The following EIF2AK1 variants were observed in gnomAD, a reference collection of about 807,000 sequenced individuals.
EIF2AK1 encodes eukaryotic translation initiation factor 2 alpha kinase 1.
In EIF2AK1, 54 loss-of-function variants were observed where a neutral mutation model predicts 77.9. The ratio of observed to expected loss-of-function variants is 0.69; its 90% confidence interval spans 0.56 to 0.87. The LOEUF (loss-of-function observed/expected upper bound fraction) is 0.87. EIF2AK1 is among the 40% of genes least tolerant of loss of function. EIF2AK1 has a pLI of 0.00. For synonymous variants in EIF2AK1, 314 were observed against 290.5 expected (o/e 1.08, Z -0.82); for missense variants, 810 against 768.6 (o/e 1.05, Z -0.64).
Position 6,023,276 on chromosome 7 carries a change from G to A in EIF2AK1, c.*1397C>T. On this transcript the variant is annotated 3_prime_UTR_variant, in exon 15 of 15. Transcript: ENST00000199389. ...CTTCCCTCAGGGCTGCTCTGGTGAT[G>A]CTACCTGGCGTGTTTTTTCTTTTCA... 2 of 1,560,040 alleles carry A rather than the reference G, an allele frequency of 1.3e-6. No homozygotes were observed. The highest frequency in any genetic ancestry group is 1.7e-6 in the Non-Finnish European group (2 of 1,159,150).
At chr7:6,038,210 G>C (rs1032181631) in intron 10 of EIF2AK1, among the ~76,000 whole-genome samples, 1 of 152,146 alleles carries the variant, frequency 6.6e-6, no homozygotes, top group East Asian at 1.9e-4. Context: ...CAGGAGGATT[G>C]CTTGAGATCA....
intron 14 of EIF2AK1, 150 bp downstream of exon 14, chr7:6,026,578 G>A (rs1787753169): frequency 4.1e-6 from 3 of 731,560 alleles, no homozygotes; most frequent in South Asian, 1.5e-5. Flanking sequence ...GTGCCAGGAA[G>A]TGGACGAGAA....
intron 7 of EIF2AK1, 141 bp downstream of exon 7, chr7:6,044,421 G>T (rs1297178261): frequency 6.2e-6 from 4 of 642,388 alleles, no homozygotes; most frequent in Non-Finnish European, 1.0e-5. Context: ...CTGGGCGACA[G>T]AGTGAGACTC....
chr7:6,058,538 C>G (rs894675808), intron 1 of EIF2AK1, among the ~76,000 whole-genome samples: 1 of 152,122 alleles, frequency 6.6e-6, no homozygotes, highest in Non-Finnish European at 1.5e-5. Context: ...TCCAATGAAG[C>G]AAAAGACAAG....
chr7:6,058,462 T>C (rs1231151351), intron 1 of EIF2AK1, among the ~76,000 whole-genome samples: 4 of 152,120 alleles, frequency 2.6e-5, no homozygotes, highest in Non-Finnish European at 5.9e-5. Context: ...GTTTATTTAT[T>C]TCCACGCTGC....
chr7:6,034,088 T>A (rs1583481431), intron 11 of EIF2AK1, among the ~76,000 whole-genome samples: 1 of 150,140 alleles, frequency 6.7e-6, no homozygotes, highest in African/African-American at 2.4e-5. Context: ...GAGGCTGAGG[T>A]GGGTGGATCA....
Position 6,023,568 on chromosome 7 carries a change from G to A in EIF2AK1, c.*1105C>T, listed in dbSNP as rs1787618116. 6.2e-7 allele frequency: 1 copy of A among 1,614,236 alleles called. No homozygotes were observed. Among genetic ancestry groups the A allele is most frequent in the African/African-American group, 1.3e-5 (1 of 75,058 alleles). On this transcript the variant is annotated 3_prime_UTR_variant, in exon 15 of 15. Transcript: ENST00000199389. ...ATGAACTCACCGTAGCAGACGTGGT[G>A]CTGTGGTCTGTACTCCAGCAGATCG...
chr7:6,026,757 G>A lies in EIF2AK1; in HGVS notation c.1735C>T (p.Gln579Ter). Residue 579 changes from glutamine to a stop codon, truncating the protein, a stop_gained, in exon 14 of 15, where the codon CAG becomes TAG. Coordinates refer to ENST00000199389, the MANE Select transcript of EIF2AK1 (RefSeq NM_014413.4). LOFTEE classifies it low-confidence loss of function (END_TRUNC). ...CCAGAATTTTGGAAAAGTTCACTCT[G>A]CAGCAGCTGAATGGCAGATGGTCTC... ...SQRPSAIQLL[Q>*]SELFQNSGNV... The A allele has an allele frequency of 6.2e-7, 1 of 1,614,188 alleles. No homozygotes were observed. Among genetic ancestry groups the A allele is most frequent in the Non-Finnish European group, 8.5e-7 (1 of 1,179,996 alleles).
At chr7:6,026,298 A>T (rs1787743978) in intron 14 of EIF2AK1, 1 of 384,540 alleles carries the variant, frequency 2.6e-6, no homozygotes, top group Non-Finnish European at 5.3e-6. Flanking sequence ...ACAGCCCAGA[A>T]CAGCAGGCAG....
intron 3 of EIF2AK1, among the ~76,000 whole-genome samples, chr7:6,049,460 T>C (rs1788542342): frequency 6.6e-6 from 1 of 152,086 alleles, no homozygotes; most frequent in Non-Finnish European, 1.5e-5. Context: ...GGAGAATCCC[T>C]TGAATCTGGG....
intron 1 of EIF2AK1, 136 bp from the exon 2 acceptor site, chr7:6,054,840 G>A: frequency 1.1e-6 from 1 of 923,344 alleles, no homozygotes; most frequent in Non-Finnish European, 1.6e-6. Context: ...GTTATGCTGA[G>A]TTGGGTTAAT....
chr7:6,054,096 T>C (rs948064445), intron 2 of EIF2AK1, among the ~76,000 whole-genome samples: 3 of 152,118 alleles, frequency 2.0e-5, no homozygotes, highest in Non-Finnish European at 4.4e-5. Flanking sequence ...CATCCTCCAC[T>C]ATCCTCCCAG....
intron 2 of EIF2AK1, among the ~76,000 whole-genome samples, chr7:6,051,488 G>A (rs2128891525): frequency 6.6e-6 from 1 of 152,032 alleles, no homozygotes; most frequent in South Asian, 2.1e-4. Flanking sequence ...GGAGGGCAGT[G>A]GAGCGATCTC....
At chr7:6,029,068 T>A in intron 11 of EIF2AK1, 36 bp from the exon 12 acceptor site, 1 of 1,494,630 alleles carries the variant, frequency 6.7e-7, no homozygotes, top group Middle Eastern at 1.7e-4. Context: ...TCCTTGGCTT[T>A]CTTAAAACAA....
chr7:6,046,303 G>A, intron 5 of EIF2AK1, 152 bp from the exon 6 acceptor site: 1 of 416,764 alleles, frequency 2.4e-6, no homozygotes. Flanking sequence ...AGGGAAGTCA[G>A]CCGGACTAAG....
Position 6,036,148 on chromosome 7 carries a change from C to G in EIF2AK1, c.1332+1276G>C. On this transcript the variant is annotated intron_variant, in intron 11 of 14. Transcript: ENST00000199389. The surrounding 1 kb of genome is among the most constrained non-coding windows in gnomAD (Gnocchi z 4.6). ...GCCAGGCTACTTTATCACACTTATC[C>G]TCTGAGAATGACCAATAACCAAGGA... 1.3e-6 allele frequency: 2 copies of G among 1,550,318 alleles called. No individual in the cohort carries two copies. Among genetic ancestry groups the G allele is most frequent in the Non-Finnish European group, 1.7e-6 (2 of 1,146,826 alleles).
At chr7:6,049,107 G>A (rs1015831749) in intron 3 of EIF2AK1, among the ~76,000 whole-genome samples, 1 of 152,124 alleles carries the variant, frequency 6.6e-6, no homozygotes, top group Non-Finnish European at 1.5e-5. Context: ...TCTCTCGCGT[G>A]TATGGTGGCA....
chr7:6,057,379 A>T (rs1788810941), intron 1 of EIF2AK1: 1 of 151,950 alleles, frequency 6.6e-6, no homozygotes, highest in Non-Finnish European at 1.5e-5. Flanking sequence ...TTTCTCTTAC[A>T]GGAATAACTT....
Position 6,027,903 on chromosome 7 carries a change from ATTTT to A in EIF2AK1, c.1530+708_1530+711del, listed in dbSNP as rs757506007. On this transcript the variant is annotated intron_variant, in intron 13 of 14. Coordinates refer to ENST00000199389, the MANE Select transcript of EIF2AK1 (RefSeq NM_014413.4). The surrounding 1 kb of genome is among the most constrained non-coding windows in gnomAD (Gnocchi z 4.5). ...AAAGCAAGACCCATCTCTACAAATAATTTTTTTTATTAGCTGGGTGTGGTAGCAC... is the reference window on the plus strand; with the variant it reads ...AAAGCAAGACCCATCTCTACAAATAATTTTATTAGCTGGGTGTGGTAGCAC... 1 of 449,188 alleles carries A rather than the reference ATTTT, an allele frequency of 2.2e-6. No homozygotes were observed. Among genetic ancestry groups the A allele is most frequent in the African/African-American group, 2.0e-5 (1 of 49,742 alleles). The allele number at this position is 449,188 out of a possible 1,614,324, so 27.8% of individuals were successfully genotyped here.
Sources: gnomAD v4.1 joint callset for allele counts (sites outside exome capture counted in the v4.1 genomes callset) on GRCh38, gnomAD v4.1.1 for gene constraint, Gnocchi (gnomAD v3.1) non-coding constraint, MANE v1.5 for transcripts, NCBI Gene and HGNC (gene_info 2026-07-23, HGNC 2026-07-21) for gene names.